NKAIN2: variants seen among roughly 807,000 people sequenced by gnomAD.
NKAIN2 encodes sodium/potassium-transporting ATPase subunit beta-1-interacting protein 2.
NKAIN2 carries 14 observed loss-of-function variants against 32.6 expected under a neutral mutation model. The ratio of observed to expected loss-of-function variants is 0.43; its 90% CI spans 0.28 to 0.67. The LOEUF is 0.67. Among genes scored for constraint, NKAIN2 ranks in the 30% least tolerant of loss-of-function variants. NKAIN2 has a pLI of 0.17. For synonymous variants in NKAIN2, 80 were observed against 87.2 expected, an observed-to-expected ratio of 0.92 and a Z score of 0.46; for missense variants, 198 against 258.3, an observed-to-expected ratio of 0.77 and a Z score of 1.60.
intron 1 of NKAIN2, among the ~76,000 whole-genome samples, chr6:123,874,146 A>G (rs1773048811): frequency 1.3e-5 from 2 of 152,118 alleles, no homozygotes; most frequent in Non-Finnish European, 2.9e-5. Flanking sequence ...GAACTGGCTT[A>G]CTGGAGACAT....
At chr6:123,863,855 AT>A (rs984789814) in intron 1 of NKAIN2, among the ~76,000 whole-genome samples, 8 of 151,084 alleles carry the variant, frequency 5.3e-5, no homozygotes, top group South Asian at 2.1e-4. Context: ...ACCAAAGCTC[AT>A]TTTTTTTTCT....
At chr6:123,838,952 T>C (rs986693250) in intron 1 of NKAIN2, among the ~76,000 whole-genome samples, 1 of 152,204 alleles carries the variant, frequency 6.6e-6, no homozygotes, top group African/African-American at 2.4e-5. Context: ...ATAATGACTC[T>C]CTCTCACAAT....
intron 2 of NKAIN2, among the ~76,000 whole-genome samples, chr6:124,314,643 C>G (rs553926239): frequency 2.0e-5 from 3 of 152,230 alleles, no homozygotes; most frequent in South Asian, 2.1e-4. Context: ...CTATCCATAC[C>G]TTATCAGCCA....
chr6:124,140,702 A>T (rs1174159526), intron 1 of NKAIN2, among the ~76,000 whole-genome samples: 3 of 152,204 alleles, frequency 2.0e-5, no homozygotes, highest in Non-Finnish European at 4.4e-5. Flanking sequence ...TTTTAAAAAA[A>T]GTGTTTGTGT....
intron 3 of NKAIN2, among the ~76,000 whole-genome samples, chr6:124,435,792 A>C (rs1775415760): frequency 1.3e-5 from 2 of 152,194 alleles, no homozygotes; most frequent in African/African-American, 4.8e-5. Flanking sequence ...CTTCTTTCTT[A>C]GGCTTACCTA....
chr6:124,398,542 A>G (rs1406658102), intron 3 of NKAIN2, among the ~76,000 whole-genome samples: 1 of 152,146 alleles, frequency 6.6e-6, no homozygotes, highest in African/African-American at 2.4e-5. Flanking sequence ...ACTCACATCT[A>G]ATATGTTTAT....
At chr6:123,925,485 G>A (rs1043066584) in intron 1 of NKAIN2, among the ~76,000 whole-genome samples, 4 of 152,070 alleles carry the variant, frequency 2.6e-5, no homozygotes, top group Admixed American at 1.3e-4. Flanking sequence ...TTGTGAAGGG[G>A]GTTTGGCTTT....
intron 6 of NKAIN2, chr6:124,819,075 T>A: frequency 2.4e-6 from 2 of 825,078 alleles, no homozygotes; most frequent in Non-Finnish European, 2.9e-6. Flanking sequence ...GATTTTTATA[T>A]CTGTGTTTAG....
chr6:123,958,276 A>G (rs73555238), intron 1 of NKAIN2, among the ~76,000 whole-genome samples: 3,592 of 152,296 alleles, frequency 0.024, 147 homozygotes, highest in African/African-American at 0.081. Context: ...AATCATCAGG[A>G]AAAGAAACAG....
At chr6:124,774,815 C>G (rs1284261547) in intron 4 of NKAIN2, among the ~76,000 whole-genome samples, 1 of 144,536 alleles carries the variant, frequency 6.9e-6, no homozygotes, top group African/African-American at 2.6e-5. Context: ...AAGATCACAC[C>G]ATTGTACTCC....
chr6:124,021,613 T>G (rs1223452175), intron 1 of NKAIN2, among the ~76,000 whole-genome samples: 1 of 152,028 alleles, frequency 6.6e-6, no homozygotes, highest in Non-Finnish European at 1.5e-5. Context: ...TTTTTATATC[T>G]CTTGGATCAT....
At chr6:124,804,675 C>T (rs867766687) in intron 5 of NKAIN2, among the ~76,000 whole-genome samples, 41 of 152,276 alleles carry the variant, frequency 2.7e-4, no homozygotes, top group South Asian at 6.2e-4. Flanking sequence ...GTGCGTGAGC[C>T]GAAGCAGGGC....
chr6:124,577,007 A>C (rs909740189), intron 3 of NKAIN2, among the ~76,000 whole-genome samples: 14 of 152,206 alleles, frequency 9.2e-5, no homozygotes, highest in African/African-American at 3.4e-4. Flanking sequence ...CTTTTTTGAA[A>C]CATGGGTAAG....
intron 1 of NKAIN2, among the ~76,000 whole-genome samples, chr6:124,066,883 TGTG>T (rs1290776177): frequency 1.3e-5 from 2 of 151,870 alleles, no homozygotes; most frequent in Admixed American, 1.3e-4. Flanking sequence ...TGTGTGTGTG[TGTG>T]TGTGTGTGTG....
At chr6:124,646,559 C>G (rs923129265) in intron 3 of NKAIN2, among the ~76,000 whole-genome samples, 5 of 152,150 alleles carry the variant, frequency 3.3e-5, no homozygotes, top group Non-Finnish European at 5.9e-5. Context: ...CAAAGATGCT[C>G]TACAAGCTAA....
At chr6:124,271,555 T>C (rs1794791259) in intron 1 of NKAIN2, among the ~76,000 whole-genome samples, 1 of 152,190 alleles carries the variant, frequency 6.6e-6, no homozygotes, top group Non-Finnish European at 1.5e-5. Context: ...TCTCAGATGG[T>C]ATCTTTGTAG....
intron 1 of NKAIN2, among the ~76,000 whole-genome samples, chr6:124,002,429 A>T (rs1467781821): frequency 1.3e-5 from 2 of 151,676 alleles, no homozygotes; most frequent in African/African-American, 4.9e-5. Context: ...GCTTTTTAAA[A>T]TTTGTTTTCC....
At chr6:124,080,381 T>C (rs1303929773) in intron 1 of NKAIN2, among the ~76,000 whole-genome samples, 1 of 152,174 alleles carries the variant, frequency 6.6e-6, no homozygotes, top group Non-Finnish European at 1.5e-5. Context: ...ATACGTGAGT[T>C]ACAGTTTTCA....
intron 1 of NKAIN2, among the ~76,000 whole-genome samples, chr6:124,024,629 T>C (rs1781023215): frequency 6.6e-6 from 1 of 152,120 alleles, no homozygotes; most frequent in Non-Finnish European, 1.5e-5. Context: ...TCAGTTATGT[T>C]ATAATAGCCG....
Sources: gnomAD v4.1 joint callset for allele counts (sites outside exome capture counted in the v4.1 genomes callset) on GRCh38, gnomAD v4.1.1 for gene constraint, MANE v1.5 for transcripts, NCBI Gene and HGNC (gene_info 2026-07-23, HGNC 2026-07-21) for gene names.